The following SYNE1 variants were observed in gnomAD, a reference collection of about 807,000 sequenced individuals.
The protein encoded by SYNE1 is spectrin repeat containing nuclear envelope protein 1.
A neutral mutation model predicts 1,111.0 loss-of-function variants in SYNE1; 616 were observed. That is an observed-to-expected ratio of 0.55 (90% CI 0.52 to 0.59). The LOEUF (loss-of-function observed/expected upper bound fraction) is 0.59. Ranked by LOEUF, SYNE1 falls within the 20% of genes least tolerant of loss-of-function variation. SYNE1 has a pLI of 0.00. For synonymous variants in SYNE1, 3,855 were observed against 3,825.8 expected (o/e 1.01, Z -0.28); for missense variants, 10,006 against 10,417.0 (o/e 0.96, Z 1.72).
rs781313884 is a variant in SYNE1 at position 152,413,503 on chromosome 6, C to T, written c.6079G>A (p.Glu2027Lys). 2.5e-6 allele frequency: 4 copies of T among 1,614,130 alleles called. No individual in the cohort carries two copies. The highest frequency in any genetic ancestry group is 2.5e-6 in the Non-Finnish European group (3 of 1,180,006). The change falls in exon 42 of 146, where the codon GAA becomes AAA. Residue 2027 changes from glutamate to lysine, a missense_variant. Coordinates refer to ENST00000367255, the MANE Select transcript of SYNE1 (RefSeq NM_182961.4). ...AGTTCATGCTCGTGAGAATTCAATT[C>T]ATCTTCTAGCTGATTAAACACTCTT... ...RLRVFNQLED[E>K]LNSHEHELCW...
chr6:152,139,568 CA>C (rs774081107), intron 140 of SYNE1, among the ~76,000 whole-genome samples: 4,207 of 43,890 alleles, frequency 0.096, 64 homozygotes, highest in Middle Eastern at 0.18. Flanking sequence ...GAGACTCCAT[CA>C]AAAAAAAAAA....
chr6:152,593,725 G>T (rs1429628170), intron 3 of SYNE1, among the ~76,000 whole-genome samples: 1 of 152,122 alleles, frequency 6.6e-6, no homozygotes, highest in Admixed American at 6.5e-5. Context: ...AATGTTGATG[G>T]TGCCATTTGT....
chr6:152,416,804 G>C lies in SYNE1; in HGVS notation c.5633C>G (p.Ala1878Gly). The change falls in exon 41 of 146, where the codon GCC (alanine) becomes GGC (glycine). Residue 1878 changes from alanine (A) to glycine (G), a missense_variant. By Grantham distance (60) the Ala-to-Gly change is moderately conservative. Coordinates refer to ENST00000367255, the MANE Select transcript of SYNE1 (RefSeq NM_182961.4). ...SHLAEFLQSH[A>G]SLSGILRQLR... ...CTGGCGGAGAATGCCGGACAGAGAG[G>C]CATGGCTCTGGAGGAATTCTGCCAA... The C allele has an allele frequency of 6.2e-7, 1 of 1,614,180 alleles. No homozygotes were observed. Among genetic ancestry groups the C allele is most frequent in the Non-Finnish European group, 8.5e-7 (1 of 1,180,038 alleles).
intron 92 of SYNE1, 57 bp downstream of exon 92, chr6:152,301,812 G>A: frequency 6.5e-7 from 1 of 1,531,548 alleles, no homozygotes; most frequent in Non-Finnish European, 8.8e-7. Context: ...GGAACATGGA[G>A]CCACTCGCCA....
At position 152,376,799 on chromosome 6, in the gene SYNE1, A is replaced by G. The variant is rs139593613; in HGVS notation, c.9123T>C (p.Ser3041=). The G allele has an allele frequency of 6.8e-6, 11 of 1,613,972 alleles. No individual in the cohort carries two copies. In the African/African-American group the frequency reaches 1.1e-4, roughly 16 times the overall value. The change falls in exon 57 of 146, where the codon TCT becomes TCC. Residue 3041 remains serine, a synonymous_variant. Coordinates refer to ENST00000367255, the MANE Select transcript of SYNE1 (RefSeq NM_182961.4). The part of the protein sequence containing the change: ...RDLSTYSGKV[S]GLIKEYNCLC... ...ACCAATTATACTCTTTAATCAAGCC[A>G]GAAACTTTTCCACTGTAGGTACTCA...
At position 152,376,781 on chromosome 6, in the gene SYNE1, A is replaced by G. The variant is rs2154104050; in HGVS notation, c.9141T>C (p.Tyr3047=). ...CCAATAAGGTTCATGCTCACCAATT[A>G]TACTCTTTAATCAAGCCAGAAACTT... ...SGKVSGLIKE[Y]NCLCLQASKG... Residue 3047 remains tyrosine (Y), a synonymous_variant, in exon 57 of 146, where the codon TAT becomes TAC. Coordinates refer to ENST00000367255, the MANE Select transcript of SYNE1 (RefSeq NM_182961.4). The G allele has an allele frequency of 6.2e-7, 1 of 1,613,926 alleles. No homozygotes were observed. The highest frequency in any genetic ancestry group is 2.2e-5 in the East Asian group (1 of 44,870).
intron 116 of SYNE1, among the ~76,000 whole-genome samples, chr6:152,225,036 T>C (rs942351340): frequency 6.6e-6 from 1 of 150,448 alleles, no homozygotes; most frequent in Non-Finnish European, 1.5e-5. Flanking sequence ...GTTTAAGAAT[T>C]GTATTAAATG....
At chr6:152,395,169 T>C (rs1017532873) in intron 51 of SYNE1, among the ~76,000 whole-genome samples, 1 of 152,130 alleles carries the variant, frequency 6.6e-6, no homozygotes, top group African/African-American at 2.4e-5. Flanking sequence ...ATTATGTTAA[T>C]TGATCCTCAA....
intron 3 of SYNE1, among the ~76,000 whole-genome samples, chr6:152,605,029 AGAGAGAGG>A (rs1359153055): frequency 5.1e-4 from 27 of 52,984 alleles, no homozygotes; most frequent in East Asian, 1.7e-3. Context: ...AGAGAGAGAG[AGAGAGAGG>A]GAGGGAGGGA....
chr6:152,374,775 A>T (rs1449159644), intron 58 of SYNE1, among the ~76,000 whole-genome samples: 1 of 149,564 alleles, frequency 6.7e-6, no homozygotes, highest in East Asian at 2.0e-4. Flanking sequence ...ACTTTTCTCA[A>T]AAATAAATAA....
intron 27 of SYNE1, 140 bp from the exon 28 acceptor site, chr6:152,449,781 T>C: frequency 1.4e-6 from 1 of 736,704 alleles, no homozygotes. Flanking sequence ...TGGAAACTAT[T>C]CTTTTAACAT....
At chr6:152,211,670 A>G in intron 123 of SYNE1, 82 bp from the exon 124 acceptor site, 2 of 1,200,116 alleles carry the variant, frequency 1.7e-6, no homozygotes, top group Non-Finnish European at 2.4e-6. Context: ...CAAATATTCT[A>G]GTTTTCGCAA....
intron 62 of SYNE1, 99 bp from the exon 63 acceptor site, chr6:152,365,118 T>C: frequency 2.0e-6 from 3 of 1,486,460 alleles, no homozygotes; most frequent in Middle Eastern, 2.3e-4. Flanking sequence ...TAATATGCAA[T>C]TGTGCCCAGC....
rs2051624339 is a variant in SYNE1 at position 152,122,478 on chromosome 6, G to T, written c.26352C>A (p.Phe8784Leu). 3 of 1,614,180 alleles carry T rather than the reference G, an allele frequency of 1.9e-6. No individual in the cohort carries two copies. Among genetic ancestry groups the T allele is most frequent in the Non-Finnish European group, 2.5e-6 (3 of 1,180,034 alleles). Residue 8784 changes from phenylalanine to leucine, a missense_variant, in exon 146 of 146, where the codon TTC becomes TTA. Coordinates refer to ENST00000367255, the MANE Select transcript of SYNE1 (RefSeq NM_182961.4). Reference sequence around the variant, plus strand: ...CATTCGTGTATCTGAGCATGGGGTGGAATGACCGGGCAAAGTTGTTGGAGA... The same window carrying T: ...CATTCGTGTATCTGAGCATGGGGTGTAATGACCGGGCAAAGTTGTTGGAGA... ...CALSNNFARS[F>L]HPMLRYTNGP...
intron 3 of SYNE1, among the ~76,000 whole-genome samples, chr6:152,547,613 A>G (rs1473529829): frequency 2.0e-5 from 3 of 152,226 alleles, no homozygotes; most frequent in African/African-American, 7.2e-5. Context: ...ACTGAAAAAT[A>G]AGATATTTTC....
intron 14 of SYNE1, chr6:152,481,125 C>T: frequency 4.6e-6 from 1 of 218,884 alleles, no homozygotes; most frequent in Non-Finnish European, 9.3e-6. Flanking sequence ...TTTCTACAAA[C>T]TGTTATAATT....
chr6:152,543,437 A>G (rs533320897), intron 3 of SYNE1, among the ~76,000 whole-genome samples: 1 of 152,278 alleles, frequency 6.6e-6, no homozygotes, highest in African/African-American at 2.4e-5. Flanking sequence ...TGAAAACCTT[A>G]CTCCCAAGAT....
intron 87 of SYNE1, among the ~76,000 whole-genome samples, chr6:152,312,064 G>A (rs938792313): frequency 4.6e-5 from 7 of 152,146 alleles, no homozygotes; most frequent in Admixed American, 4.6e-4. Flanking sequence ...GATTACAGGC[G>A]TGAGCCACTG....
intron 125 of SYNE1, among the ~76,000 whole-genome samples, chr6:152,207,089 C>T (rs1025863434): frequency 6.6e-6 from 1 of 152,138 alleles, no homozygotes; most frequent in Non-Finnish European, 1.5e-5. Context: ...AAATCGCGAG[C>T]ACCTAACCAA....
Sources: allele counts gnomAD v4.1 joint callset (sites outside exome capture counted in the v4.1 genomes callset), GRCh38; gene constraint gnomAD v4.1.1; transcripts MANE v1.5; gene names NCBI Gene and HGNC (gene_info 2026-07-23, HGNC 2026-07-21).